MAGI1: variants seen among roughly 807,000 people sequenced by gnomAD.
MAGI1 encodes membrane-associated guanylate kinase, WW and PDZ domain-containing protein 1.
In MAGI1, 58 loss-of-function variants were observed where a neutral mutation model predicts 139.9. That is an observed-to-expected ratio of 0.41 (90% CI 0.34 to 0.52). MAGI1 has a LOEUF of 0.52. Ranked by LOEUF, MAGI1 falls within the 20% of genes least tolerant of loss-of-function variation. The pLI is 0.12. For synonymous variants in MAGI1, 812 were observed against 737.9 expected, an observed-to-expected ratio of 1.10 and a Z score of -1.63; for missense variants, 1,874 against 1,901.6, an observed-to-expected ratio of 0.99 and a Z score of 0.27.
At chr3:65,694,933 T>C (rs564589593) in intron 1 of MAGI1, among the ~76,000 whole-genome samples, 1 of 152,360 alleles carries the variant, frequency 6.6e-6, no homozygotes, top group East Asian at 1.9e-4. Context: ...TTTGTGTGTA[T>C]GTATTAGCCA....
At chr3:65,688,766 C>G (rs2088299704) in intron 1 of MAGI1, among the ~76,000 whole-genome samples, 2 of 152,152 alleles carry the variant, frequency 1.3e-5, no homozygotes, top group African/African-American at 2.4e-5. Flanking sequence ...AGAATCCCCA[C>G]CTCCTGAAAA....
chr3:65,718,076 G>A (rs148771572), intron 1 of MAGI1, among the ~76,000 whole-genome samples: 13 of 152,182 alleles, frequency 8.5e-5, no homozygotes, highest in South Asian at 4.2e-4. Context: ...ACCTACACTC[G>A]GGACCTTGAA....
At chr3:65,747,522 T>G (rs2035804196) in intron 1 of MAGI1, among the ~76,000 whole-genome samples, 1 of 152,232 alleles carries the variant, frequency 6.6e-6, no homozygotes, top group African/African-American at 2.4e-5. Context: ...TTTTTTTAAA[T>G]GAATTAATAC....
At chr3:65,996,076 G>A (rs867559341) in intron 1 of MAGI1, among the ~76,000 whole-genome samples, 1 of 151,772 alleles carries the variant, frequency 6.6e-6, no homozygotes, top group South Asian at 2.1e-4. Flanking sequence ...TTGGGTCCCA[G>A]AACCTACAAA....
At chr3:65,892,967 G>C (rs1179281415) in intron 1 of MAGI1, among the ~76,000 whole-genome samples, 1 of 152,150 alleles carries the variant, frequency 6.6e-6, no homozygotes, top group East Asian at 1.9e-4. Flanking sequence ...TAGCCTGAAA[G>C]TAAAACTGCA....
chr3:65,852,502 A>AT (rs1340104660), intron 1 of MAGI1, among the ~76,000 whole-genome samples: 9,731 of 137,422 alleles, frequency 0.071, 730 homozygotes, highest in African/African-American at 0.19. Context: ...CTTGACACCA[A>AT]TTTTTTTTTT....
chr3:65,879,710 A>G (rs943378334), intron 1 of MAGI1, among the ~76,000 whole-genome samples: 2 of 152,228 alleles, frequency 1.3e-5, no homozygotes, highest in African/African-American at 4.8e-5. Context: ...TACCTGGTAC[A>G]TAGAAAGGAG....
intron 1 of MAGI1, among the ~76,000 whole-genome samples, chr3:65,930,083 G>A (rs947179171): frequency 1.3e-5 from 2 of 151,956 alleles, no homozygotes; most frequent in East Asian, 1.9e-4. Context: ...TTGGGAGGCC[G>A]AGGCGGGTGG....
At chr3:65,432,221 C>T (rs1947507446) in intron 10 of MAGI1, among the ~76,000 whole-genome samples, 1 of 152,122 alleles carries the variant, frequency 6.6e-6, no homozygotes, top group Non-Finnish European at 1.5e-5. Flanking sequence ...TCATGAGCAG[C>T]TTCTTTCATC....
At chr3:65,967,037 G>A (rs1164761111) in intron 1 of MAGI1, among the ~76,000 whole-genome samples, 1 of 151,868 alleles carries the variant, frequency 6.6e-6, no homozygotes, top group Admixed American at 6.6e-5. Flanking sequence ...GAGGCACAAA[G>A]AGGCTCAGCA....
intron 1 of MAGI1, among the ~76,000 whole-genome samples, chr3:65,692,156 CTT>C (rs1202133270): frequency 1.3e-5 from 2 of 152,120 alleles, no homozygotes; most frequent in Admixed American, 1.3e-4. Flanking sequence ...GATGTTCTAA[CTT>C]AGCACAGTGA....
chr3:65,454,574 CA>C lies in MAGI1; in HGVS notation c.960-1235del, dbSNP rs1216582157. The stretch of plus-strand genomic sequence containing the variant: ...TAATAATAAAAAAATACTTGTTTTA[CA>C]AAAAAAAAAGAAGTTTTTTTAAAAA... On this transcript the variant is annotated intron_variant, in intron 5 of 22. Transcript: ENST00000402939. Among the ~76,000 whole-genome samples the C allele has an allele frequency of 7.8e-3, 1,057 of 135,140 alleles. 12 individuals are homozygous for C. Among genetic ancestry groups the C allele is most frequent in the African/African-American group, 0.025 (891 of 35,810 alleles). The allele number at this position is 135,140 out of a possible 152,430, so 88.7% of individuals were successfully genotyped here.
chr3:65,879,967 G>T (rs1483681763), intron 1 of MAGI1, among the ~76,000 whole-genome samples: 1 of 152,154 alleles, frequency 6.6e-6, no homozygotes, highest in Admixed American at 6.5e-5. Flanking sequence ...ACTAGAATCT[G>T]TGTGATTAAA....
At position 65,382,013 on chromosome 3, in the gene MAGI1, C is replaced by T; in HGVS notation, c.2565G>A (p.Arg855=). The part of the protein sequence containing the change: ...LGAADTDGRL[R]SGDELICVDG... ...CCACACAGATTAATTCATCTCCAGA[C>T]CTCAGGCGGCCGTCAGTATCAGCAG... Residue 855 remains arginine (R), a synonymous_variant, in exon 16 of 23, where the codon AGG becomes AGA. Transcript: ENST00000402939. 1 of 1,614,126 alleles carries T rather than the reference C, an allele frequency of 6.2e-7. No homozygotes were observed. The highest frequency in any genetic ancestry group is 8.5e-7 in the Non-Finnish European group (1 of 1,180,034).
chr3:65,401,505 GA>G (rs1944892566), intron 12 of MAGI1, 35 bp from the exon 13 acceptor site: 3 of 1,607,306 alleles, frequency 1.9e-6, no homozygotes, highest in Admixed American at 3.4e-5. Context: ...GAGGGGGGAA[GA>G]AATCATTAGC....
chr3:65,971,988 A>G (rs2065033920), intron 1 of MAGI1, among the ~76,000 whole-genome samples: 1 of 152,258 alleles, frequency 6.6e-6, no homozygotes, highest in Non-Finnish European at 1.5e-5. Flanking sequence ...ACAAGCTGTT[A>G]GCCAGGGATG....
intron 1 of MAGI1, among the ~76,000 whole-genome samples, chr3:65,807,624 T>C (rs989449393): frequency 6.6e-5 from 10 of 152,182 alleles, no homozygotes; most frequent in Non-Finnish European, 1.3e-4. Flanking sequence ...CAGAGAATTA[T>C]GAGAGTGCTC....
chr3:65,874,836 C>G (rs1575799612), intron 1 of MAGI1: 1 of 152,664 alleles, frequency 6.6e-6, no homozygotes, highest in Non-Finnish European at 1.5e-5. Context: ...TCACCATAGC[C>G]AAAAACTAGG....
At chr3:65,691,271 C>A (rs548415871) in intron 1 of MAGI1, among the ~76,000 whole-genome samples, 2 of 138,134 alleles carry the variant, frequency 1.4e-5, no homozygotes, top group South Asian at 2.4e-4. Context: ...TCACTGCACT[C>A]CAGCCTGGGC....
Sources: gnomAD v4.1 joint callset for allele counts (sites outside exome capture counted in the v4.1 genomes callset) on GRCh38, gnomAD v4.1.1 for gene constraint, MANE v1.5 for transcripts, NCBI Gene and HGNC (gene_info 2026-07-23, HGNC 2026-07-21) for gene names.